Variants in MBD2 observed in about 807,000 individuals in gnomAD.
MBD2 encodes methyl-CpG binding domain protein 2, also known as methyl-CpG-binding domain protein 2.
In MBD2, 9 loss-of-function variants were observed where a neutral mutation model predicts 39.3. That is an observed-to-expected ratio of 0.23 (90% CI 0.14 to 0.40). The LOEUF is 0.40. Ranked by LOEUF, MBD2 falls within the 10% of genes least tolerant of loss-of-function variation. The pLI is 1.00. For synonymous variants in MBD2, 233 were observed against 211.1 expected, an observed-to-expected ratio of 1.10 and a Z score of -0.90; for missense variants, 458 against 532.6, an observed-to-expected ratio of 0.86 and a Z score of 1.38.
chr18:54,158,203 C>T (rs1029844498), intron 6 of MBD2, among the ~76,000 whole-genome samples: 2 of 151,926 alleles, frequency 1.3e-5, no homozygotes, highest in African/African-American at 2.4e-5. Flanking sequence ...CCCCACCCCT[C>T]CCCAGACATA....
chr18:54,179,189 C>A (rs1037422406), intron 3 of MBD2, among the ~76,000 whole-genome samples: 9 of 151,578 alleles, frequency 5.9e-5, no homozygotes, highest in Non-Finnish European at 7.4e-5. Flanking sequence ...GACCTTGTCT[C>A]AAAAACAAAG....
chr18:54,161,731 A>T (rs74869236), intron 5 of MBD2, among the ~76,000 whole-genome samples: 5,200 of 152,288 alleles, frequency 0.034, 124 homozygotes, highest in Non-Finnish European at 0.046. Flanking sequence ...GAATTGTAAG[A>T]TGGTCCCCAA....
At chr18:54,165,243 G>T (rs113103153) in intron 4 of MBD2, among the ~76,000 whole-genome samples, 2 of 152,136 alleles carry the variant, frequency 1.3e-5, no homozygotes, top group African/African-American at 4.8e-5. Flanking sequence ...CTGTATCTGT[G>T]GCTTTAACAG....
chr18:54,222,474 C>T (rs2086624042), intron 1 of MBD2: 1 of 413,122 alleles, frequency 2.4e-6, no homozygotes, highest in South Asian at 1.8e-5. Flanking sequence ...CCAAGACTAT[C>T]ACACTTTTTC....
At chr18:54,207,894 C>T (rs1256115925) in intron 1 of MBD2, among the ~76,000 whole-genome samples, 1 of 152,020 alleles carries the variant, frequency 6.6e-6, no homozygotes, top group Non-Finnish European at 1.5e-5. Context: ...AAAAATTAGC[C>T]GGGCGTGGTG....
At chr18:54,211,721 C>T (rs2086509336) in intron 1 of MBD2, among the ~76,000 whole-genome samples, 1 of 152,186 alleles carries the variant, frequency 6.6e-6, no homozygotes, top group East Asian at 1.9e-4. Flanking sequence ...TCTTTGCATT[C>T]TACACTATCC....
chr18:54,178,654 T>C (rs945182403), intron 3 of MBD2, among the ~76,000 whole-genome samples: 1 of 152,148 alleles, frequency 6.6e-6, no homozygotes, highest in African/African-American at 2.4e-5. Flanking sequence ...AAATAACTTC[T>C]ATAAAAGAAA....
chr18:54,200,183 G>C (rs558003374), intron 2 of MBD2, among the ~76,000 whole-genome samples: 1 of 152,070 alleles, frequency 6.6e-6, no homozygotes, highest in South Asian at 2.1e-4. Context: ...TGGGTGAATA[G>C]AGAAATGTGA....
chr18:54,204,364 A>G (rs191625027), intron 2 of MBD2, among the ~76,000 whole-genome samples: 4 of 152,358 alleles, frequency 2.6e-5, no homozygotes, highest in Admixed American at 1.3e-4. Context: ...AGGCTTAAGT[A>G]TCTCTCATCT....
At chr18:54,195,452 G>A (rs1221612947) in intron 2 of MBD2, among the ~76,000 whole-genome samples, 1 of 151,994 alleles carries the variant, frequency 6.6e-6, no homozygotes, top group African/African-American at 2.4e-5. Flanking sequence ...TTTTAATTCT[G>A]TGGTTTTTGC....
chr18:54,152,985 G>A lies in MBD2; in HGVS notation c.*2339C>T, dbSNP rs2086030901. 1 of 152,222 alleles carries A rather than the reference G, an allele frequency of 6.6e-6. No individual in the cohort carries two copies. Among genetic ancestry groups the A allele is most frequent in the East Asian group, 1.9e-4 (1 of 5,198 alleles). 9.4% of individuals were successfully genotyped at this position (152,222 alleles called of 1,614,324 possible). A position where few individuals can be genotyped will look rare whatever the true frequency, so the allele number is the denominator to read the frequency against. On this transcript the variant is annotated 3_prime_UTR_variant, in exon 7 of 7. Coordinates refer to ENST00000256429, the MANE Select transcript of MBD2 (RefSeq NM_003927.5). ...CACTCTAAACTGCATACAAAGATAA[G>A]TGAGGGAAATAATACAGTCACATTT...
At chr18:54,207,899 G>A (rs1327553866) in intron 1 of MBD2, among the ~76,000 whole-genome samples, 2 of 152,124 alleles carry the variant, frequency 1.3e-5, no homozygotes, top group South Asian at 2.1e-4. Context: ...TTAGCCGGGC[G>A]TGGTGGCGGG....
In MBD2 at chr18:54,205,172, G is replaced by A. The variant is rs2086438937; in HGVS notation, c.543-15C>T. ...TACCACTTGGACTAGAAGAAAGTAAGGTTAATTGAACAAAAGGCAACAATA... is the reference window on the plus strand; with the variant it reads ...TACCACTTGGACTAGAAGAAAGTAAAGTTAATTGAACAAAAGGCAACAATA... On this transcript the variant is annotated splice_polypyrimidine_tract_variant and intron_variant, in intron 1 of 6. Coordinates refer to ENST00000256429, the MANE Select transcript of MBD2 (RefSeq NM_003927.5). 4 of 1,609,026 alleles carry A rather than the reference G, an allele frequency of 2.5e-6. No individual in the cohort carries two copies. Among genetic ancestry groups the A allele is most frequent in the Non-Finnish European group, 3.4e-6 (4 of 1,177,962 alleles).
At chr18:54,216,974 G>A (rs1379430341) in intron 1 of MBD2, among the ~76,000 whole-genome samples, 4 of 152,052 alleles carry the variant, frequency 2.6e-5, no homozygotes, top group Admixed American at 6.6e-5. Context: ...CTGTAATCCC[G>A]GCTACTTGGG....
intron 2 of MBD2, among the ~76,000 whole-genome samples, chr18:54,196,760 C>A (rs1468066233): frequency 6.6e-6 from 1 of 152,198 alleles, no homozygotes; most frequent in Non-Finnish European, 1.5e-5. Flanking sequence ...TCCAGACCCT[C>A]TCAGAAAGTT....
chr18:54,219,172 A>T (rs2086587671), intron 1 of MBD2, among the ~76,000 whole-genome samples: 1 of 152,186 alleles, frequency 6.6e-6, no homozygotes, highest in Non-Finnish European at 1.5e-5. Flanking sequence ...CAACCTATTT[A>T]CCATTTTCAC....
intron 1 of MBD2, among the ~76,000 whole-genome samples, chr18:54,223,454 A>C (rs1383015310): frequency 6.6e-6 from 1 of 152,122 alleles, no homozygotes; most frequent in Admixed American, 6.5e-5. Context: ...TGGGGAGCAA[A>C]TTTTGGTCTA....
intron 1 of MBD2, among the ~76,000 whole-genome samples, chr18:54,206,144 C>G (rs2086448390): frequency 6.6e-6 from 1 of 152,166 alleles, no homozygotes; most frequent in African/African-American, 2.4e-5. Context: ...CAATGCTGAC[C>G]TGAGTTTTGT....
chr18:54,161,181 T>C (rs1465143662), intron 5 of MBD2, among the ~76,000 whole-genome samples: 1 of 152,180 alleles, frequency 6.6e-6, no homozygotes, highest in Admixed American at 6.5e-5. Context: ...AATAAGACTA[T>C]GTCCAAGGTA....
Sources: allele counts gnomAD v4.1 joint callset (sites outside exome capture counted in the v4.1 genomes callset), GRCh38; gene constraint gnomAD v4.1.1; transcripts MANE v1.5; gene names NCBI Gene and HGNC (gene_info 2026-07-23, HGNC 2026-07-21).